Variants in HGF observed in about 807,000 individuals in gnomAD.
HGF encodes the protein fibroblast-derived tumor cytotoxic factor.
A neutral mutation model predicts 111.6 loss-of-function variants in HGF; 39 were observed. The observed-to-expected ratio is 0.35, with a 90% CI of 0.27 to 0.46. HGF has a LOEUF of 0.46. HGF is among the 20% of genes least tolerant of loss of function. HGF has a pLI of 1.00. For missense variants in HGF, 735 were observed against 910.5 expected, an observed-to-expected ratio of 0.81 and a Z score of 2.48; for synonymous variants, 285 against 294.8, an observed-to-expected ratio of 0.97 and a Z score of 0.34.
At chr7:81,745,481 CTATT>C (rs1249551336) in intron 5 of HGF, among the ~76,000 whole-genome samples, 2 of 152,160 alleles carry the variant, frequency 1.3e-5, no homozygotes, top group African/African-American at 2.4e-5. Flanking sequence ...ATCTCAGTAT[CTATT>C]TGTCAGCACA....
chr7:81,732,450 C>T (rs1406944686), intron 7 of HGF, among the ~76,000 whole-genome samples: 2 of 152,016 alleles, frequency 1.3e-5, no homozygotes, highest in Non-Finnish European at 2.9e-5. Context: ...ACATTGTCAA[C>T]GTAAGATTAA....
At chr7:81,748,249 TC>T (rs1043695645) in intron 5 of HGF, among the ~76,000 whole-genome samples, 3 of 152,230 alleles carry the variant, frequency 2.0e-5, no homozygotes, top group African/African-American at 7.2e-5. Context: ...TTCAACATTG[TC>T]CTCATTGCCC....
chr7:81,745,682 C>G (rs1024255547), intron 5 of HGF, among the ~76,000 whole-genome samples: 2 of 152,160 alleles, frequency 1.3e-5, no homozygotes, highest in Admixed American at 1.3e-4. Context: ...AATCACAGCT[C>G]CTTTCTGTTA....
chr7:81,755,228 A>G (rs1030487619), intron 4 of HGF: 4 of 152,134 alleles, frequency 2.6e-5, no homozygotes, highest in Non-Finnish European at 5.9e-5. Flanking sequence ...AGCCACTAGT[A>G]AAATATTTCA....
chr7:81,717,156 T>C (rs1246428369), intron 11 of HGF, 76 bp downstream of exon 11: 31 of 1,448,960 alleles, frequency 2.1e-5, no homozygotes, highest in Non-Finnish European at 2.9e-5. Flanking sequence ...AGACCACCTA[T>C]ATTATTTACA....
Position 81,729,699 on chromosome 7 carries a change from T to A in HGF, c.946A>T (p.Thr316Ser). The A allele has an allele frequency of 6.2e-7, 1 of 1,613,790 alleles. No homozygotes were observed. Among genetic ancestry groups the A allele is most frequent in the Non-Finnish European group, 8.5e-7 (1 of 1,179,682 alleles). ...IQGQGEGYRG[T>S]VNTIWNGIPC... ...ATTCCATTCCAAATGGTATTGACAG[T>A]GCCCCTGTAGCCTTCTCCTTGACCT... is the stretch of plus-strand genomic sequence containing the variant. The change falls in exon 8 of 18, where the codon ACT (threonine) becomes TCT (serine). Residue 316 changes from threonine (T) to serine (S), a missense_variant. By Grantham distance (58) the Thr-to-Ser change is moderately conservative (BLOSUM62 1). Transcript: ENST00000222390.
chr7:81,756,246 G>A lies in HGF; in HGVS notation c.482+943C>T, dbSNP rs1239035166. Reference sequence around the variant, plus strand: ...TTTTATGCTTCAGTTTTGTCATGTAGGTAAAATAGAACCAATAAAACTACC... The same window carrying A: ...TTTTATGCTTCAGTTTTGTCATGTAAGTAAAATAGAACCAATAAAACTACC... On this transcript the variant is annotated intron_variant, in intron 4 of 17. Transcript: ENST00000222390. The A allele has an allele frequency of 5.4e-6, 3 of 556,896 alleles. No individual in the cohort carries two copies. The Admixed American group carries it at 1.0e-4, about 19-fold the overall frequency. 34.5% of individuals were successfully genotyped at this position (556,896 alleles called of 1,614,324 possible).
intron 11 of HGF, among the ~76,000 whole-genome samples, chr7:81,716,388 C>T (rs1789713043): frequency 6.6e-6 from 1 of 152,154 alleles, no homozygotes; most frequent in Admixed American, 6.6e-5. Flanking sequence ...CTGTAAGTAG[C>T]ATAGAATTGA....
chr7:81,756,133 G>A (rs142470464), intron 4 of HGF: 91 of 688,818 alleles, frequency 1.3e-4, no homozygotes, highest in East Asian at 1.2e-3. Flanking sequence ...GTTGTTAAAA[G>A]CGCAGGTTAT....
Position 81,752,270 on chromosome 7 carries a change from TA to T in HGF, c.483-9del. 6.2e-7 allele frequency: 1 copy of T among 1,612,724 alleles called. No individual in the cohort carries two copies. Among genetic ancestry groups the T allele is most frequent in the South Asian group, 1.1e-5 (1 of 91,056 alleles). ...TAGCTCGAAGGCAAAAAGCTAGTTTTAAAATGATAATCATTACAGTATAAGA... is the reference window on the plus strand; with the variant it reads ...TAGCTCGAAGGCAAAAAGCTAGTTTTAAATGATAATCATTACAGTATAAGA... On this transcript the variant is annotated splice_polypyrimidine_tract_variant and intron_variant, in intron 4 of 17. Transcript: ENST00000222390.
chr7:81,766,652 G>A (rs1789371505), intron 1 of HGF, among the ~76,000 whole-genome samples: 1 of 152,170 alleles, frequency 6.6e-6, no homozygotes, highest in African/African-American at 2.4e-5. Context: ...GTGATGTTCA[G>A]TGTGATTTGA....
At chr7:81,749,941 G>T (rs893221291) in intron 5 of HGF, among the ~76,000 whole-genome samples, 1 of 151,668 alleles carries the variant, frequency 6.6e-6, no homozygotes, top group African/African-American at 2.4e-5. Context: ...TGTTTTTCTT[G>T]TTTAATTTTA....
intron 16 of HGF, 39 bp from the exon 17 acceptor site, chr7:81,705,574 G>A (rs1789401820): frequency 6.2e-7 from 1 of 1,608,548 alleles, no homozygotes; most frequent in Non-Finnish European, 8.5e-7. Flanking sequence ...GGTGAGAAAA[G>A]TAAGAAACAA....
rs150272458 is a variant in HGF at position 81,707,268 on chromosome 7, A to G, written c.1616+22T>C. The G allele has an allele frequency of 2.9e-4, 403 of 1,380,182 alleles. 3 individuals are homozygous for G. In the East Asian group the frequency reaches 8.5e-3, roughly 29 times the overall value. 85.5% of individuals were successfully genotyped at this position (1,380,182 alleles called of 1,614,324 possible). The stretch of plus-strand genomic sequence containing the variant: ...ACACATTTTAAAGGCTCAAAATAAT[A>G]CTAGTTTTAAAAACACTTTACCGAG... On this transcript the variant is annotated intron_variant, in intron 14 of 17. Transcript: ENST00000222390.
rs1789259838 is a variant in HGF, at chr7:81,700,830, G to C, written c.*1751C>G. ...AAAAAAAATTGTATAAGCATTTCTG[G>C]ACTCGCCGCCCTATATTCTGTGGAC... is the stretch of plus-strand genomic sequence containing the variant. On this transcript the variant is annotated 3_prime_UTR_variant, in exon 18 of 18. Transcript: ENST00000222390. 2.6e-5 allele frequency: 4 copies of C among 151,378 alleles called. No homozygotes were observed. Among genetic ancestry groups the C allele is most frequent in the African/African-American group, 9.7e-5 (4 of 41,314 alleles). The allele number at this position is 151,378 out of a possible 1,614,324, so 9.4% of individuals were successfully genotyped here. A position where few individuals can be genotyped will look rare whatever the true frequency, so the allele number is the denominator to read the frequency against.
intron 13 of HGF, among the ~76,000 whole-genome samples, chr7:81,708,290 A>G (rs1039919301): frequency 1.3e-5 from 2 of 152,084 alleles, no homozygotes; most frequent in African/African-American, 2.4e-5. Flanking sequence ...ACTTGGATTT[A>G]AAAAGGAAAA....
In HGF at chr7:81,701,728, A is replaced by G. The variant is rs982822420; in HGVS notation, c.*853T>C. 1.3e-5 allele frequency: 2 copies of G among 151,644 alleles called. No individual in the cohort carries two copies. Among genetic ancestry groups the G allele is most frequent in the African/African-American group, 4.8e-5 (2 of 41,414 alleles). The allele number at this position is 151,644 out of a possible 1,614,324, so 9.4% of individuals were successfully genotyped here. On this transcript the variant is annotated 3_prime_UTR_variant, in exon 18 of 18. Transcript: ENST00000222390. ...AACTATTACCCTCTTTCCTTTAAGAATTAGAAACTACATGAAATAACTAGG... is the reference window on the plus strand; with the variant it reads ...AACTATTACCCTCTTTCCTTTAAGAGTTAGAAACTACATGAAATAACTAGG...
At chr7:81,703,812 T>C (rs556178634) in intron 17 of HGF, among the ~76,000 whole-genome samples, 123 of 151,762 alleles carry the variant, frequency 8.1e-4, no homozygotes, top group South Asian at 8.1e-3. Context: ...AAGAGAGCCA[T>C]TGGCATTCTG....
chr7:81,767,005 T>G (rs996010106), intron 1 of HGF, among the ~76,000 whole-genome samples: 9 of 152,148 alleles, frequency 5.9e-5, no homozygotes, highest in African/African-American at 1.9e-4. Context: ...TCAGTTGCTG[T>G]GTGGGGTCCT....
Sources: gnomAD v4.1 joint callset for allele counts (sites outside exome capture counted in the v4.1 genomes callset) on GRCh38, gnomAD v4.1.1 for gene constraint, MANE v1.5 for transcripts, NCBI Gene and HGNC (gene_info 2026-07-23, HGNC 2026-07-21) for gene names.